The following SLC44A3 variants were observed in gnomAD, a reference collection of about 807,000 sequenced individuals.
SLC44A3 encodes the protein choline transporter-like protein 3.
In SLC44A3, 74 loss-of-function variants were observed where a neutral mutation model predicts 75.4. That is an observed-to-expected ratio of 0.98 (90% CI 0.81 to 1.19). The LOEUF is 1.19. Among genes scored for constraint, SLC44A3 ranks in the 50% most tolerant of loss-of-function variants. The pLI, the probability that SLC44A3 is intolerant of heterozygous loss-of-function variation, is 0.00. For synonymous variants in SLC44A3, 310 were observed against 296.9 expected (o/e 1.04, Z -0.45); for missense variants, 700 against 778.6 (o/e 0.90, Z 1.20).
At chr1:94,888,032 C>G (rs919852344) in intron 12 of SLC44A3, among the ~76,000 whole-genome samples, 1 of 152,122 alleles carries the variant, frequency 6.6e-6, no homozygotes, top group African/African-American at 2.4e-5. Context: ...CTGTGCTTTA[C>G]AGGGAGTAGG....
intron 5 of SLC44A3, among the ~76,000 whole-genome samples, chr1:94,835,586 G>C (rs6684796): frequency 0.52 from 79,519 of 151,968 alleles, 21,009 homozygotes; most frequent in East Asian, 0.69. Context: ...TTTTAAAAAT[G>C]CTCTGCTTAT....
At chr1:94,881,486 C>T (rs1668974486) in intron 12 of SLC44A3, among the ~76,000 whole-genome samples, 1 of 150,244 alleles carries the variant, frequency 6.7e-6, no homozygotes, top group Non-Finnish European at 1.5e-5. Flanking sequence ...GGGCGGATCA[C>T]AAGGTCAGGA....
intron 11 of SLC44A3, 55 bp downstream of exon 11, chr1:94,864,954 A>C: frequency 6.3e-7 from 1 of 1,576,242 alleles, no homozygotes; most frequent in South Asian, 1.2e-5. Flanking sequence ...CCAGAAACTT[A>C]ATTACTGGAA....
At chr1:94,826,272 T>G (rs1478771486) in intron 3 of SLC44A3, among the ~76,000 whole-genome samples, 1 of 152,180 alleles carries the variant, frequency 6.6e-6, no homozygotes, top group African/African-American at 2.4e-5. Flanking sequence ...GGTACAGATT[T>G]CAGTTTGGGA....
intron 7 of SLC44A3, among the ~76,000 whole-genome samples, chr1:94,841,335 T>C (rs1353852243): frequency 6.6e-6 from 1 of 152,222 alleles, no homozygotes; most frequent in African/African-American, 2.4e-5. Context: ...GTCATGTTTC[T>C]TTCCCCTGAG....
At chr1:94,875,691 G>T (rs1434780668) in intron 12 of SLC44A3, among the ~76,000 whole-genome samples, 1 of 152,024 alleles carries the variant, frequency 6.6e-6, no homozygotes, top group Non-Finnish European at 1.5e-5. Context: ...GGAAGTTTGG[G>T]GTCTCACCTT....
In SLC44A3 at chr1:94,840,087, T is replaced by A. The variant is rs770188176; in HGVS notation, c.760+50T>A. 49 of 1,490,380 alleles carry A rather than the reference T, an allele frequency of 3.3e-5. 1 individual carries two copies. The South Asian group carries it at 5.3e-4, about 16-fold the overall frequency. The allele number at this position is 1,490,380 out of a possible 1,614,324, so 92.3% of individuals were successfully genotyped here. On this transcript the variant is annotated intron_variant, in intron 7 of 14. Coordinates refer to ENST00000271227, the MANE Select transcript of SLC44A3 (RefSeq NM_001114106.3). ...TTTCTTTTCGATTAAATGAAAAGCC[T>A]TTACATTAAGTACAGAACTTAAAAG... is the stretch of plus-strand genomic sequence containing the variant.
intron 3 of SLC44A3, chr1:94,825,997 T>G (rs1315022065): frequency 2.2e-6 from 1 of 450,518 alleles, no homozygotes; most frequent in Non-Finnish European, 4.5e-6. Flanking sequence ...AACTCAAGTG[T>G]CCATCAATGG....
intron 5 of SLC44A3, among the ~76,000 whole-genome samples, chr1:94,836,034 C>T (rs963188608): frequency 2.0e-5 from 3 of 152,232 alleles, no homozygotes; most frequent in Non-Finnish European, 2.9e-5. Flanking sequence ...ATTGAGACTT[C>T]TGGAGAAAGA....
chr1:94,842,789 C>A (rs553300870), intron 8 of SLC44A3, among the ~76,000 whole-genome samples: 1 of 152,366 alleles, frequency 6.6e-6, no homozygotes, highest in African/African-American at 2.4e-5. Flanking sequence ...ACTGACTGTT[C>A]TGTGGAGCAG....
intron 9 of SLC44A3, among the ~76,000 whole-genome samples, chr1:94,853,794 G>A (rs1288270641): frequency 6.6e-6 from 1 of 151,984 alleles, no homozygotes; most frequent in African/African-American, 2.4e-5. Flanking sequence ...CAGAAGAAGG[G>A]GAAACAAATG....
At chr1:94,873,413 G>A (rs1667966359) in intron 12 of SLC44A3, among the ~76,000 whole-genome samples, 2 of 152,108 alleles carry the variant, frequency 1.3e-5, no homozygotes, top group Non-Finnish European at 2.9e-5. Flanking sequence ...GAATATACTG[G>A]TCAGAAAGGT....
chr1:94,820,871 C>A lies in SLC44A3; in HGVS notation c.28-78C>A. The A allele has an allele frequency of 3.6e-6, 5 of 1,381,870 alleles. No homozygotes were observed. The South Asian group carries it at 7.0e-5, about 19-fold the overall frequency. The allele number at this position is 1,381,870 out of a possible 1,614,324, so 85.6% of individuals were successfully genotyped here. ...AAGATTGGTTACTTTGGCCCCTCTT[C>A]GAGTAGATTTGGGTTCGGTTTCCAG... On this transcript the variant is annotated intron_variant, in intron 1 of 14. Coordinates refer to ENST00000271227, the MANE Select transcript of SLC44A3 (RefSeq NM_001114106.3).
At chr1:94,883,252 G>A (rs1669194086) in intron 12 of SLC44A3, among the ~76,000 whole-genome samples, 1 of 152,082 alleles carries the variant, frequency 6.6e-6, no homozygotes, top group Non-Finnish European at 1.5e-5. Context: ...TATAATGCCA[G>A]CACTTTGGGA....
chr1:94,866,647 G>A (rs1393134853), intron 11 of SLC44A3, among the ~76,000 whole-genome samples: 5 of 152,114 alleles, frequency 3.3e-5, no homozygotes, highest in Non-Finnish European at 7.4e-5. Context: ...GTCCATATAA[G>A]GCTGAGTTAT....
chr1:94,853,307 T>C (rs1459313484), intron 9 of SLC44A3, among the ~76,000 whole-genome samples: 1 of 152,028 alleles, frequency 6.6e-6, no homozygotes, highest in South Asian at 2.1e-4. Flanking sequence ...ATAATCATGA[T>C]TGGAGTAGGT....
Position 94,891,224 on chromosome 1 carries a change from C to T in SLC44A3, c.1577C>T (p.Thr526Ile). ...KILSKNSSHF[T>I]SINCFGDFII... ...TTGTCCAAGAACTCAAGTCACTTTACATCTATTAACTGCTTTGGAGACTTC... is the reference window on the plus strand; with the variant it reads ...TTGTCCAAGAACTCAAGTCACTTTATATCTATTAACTGCTTTGGAGACTTC... The change falls in exon 13 of 15, where the codon ACA becomes ATA. Residue 526 changes from threonine (T) to isoleucine (I), a missense_variant. Thr to Ile is a moderately conservative substitution (Grantham distance 89). Transcript: ENST00000271227. The T allele has an allele frequency of 6.2e-7, 1 of 1,613,494 alleles. No individual in the cohort carries two copies. Among genetic ancestry groups the T allele is most frequent in the Non-Finnish European group, 8.5e-7 (1 of 1,179,722 alleles).
chr1:94,843,248 A>G (rs1663902798), intron 8 of SLC44A3: 1 of 152,508 alleles, frequency 6.6e-6, no homozygotes, highest in South Asian at 2.1e-4. Flanking sequence ...AGGCCATGTG[A>G]GCAGGGAGGC....
At chr1:94,859,191 C>G (rs1275785747) in intron 10 of SLC44A3, among the ~76,000 whole-genome samples, 3 of 152,194 alleles carry the variant, frequency 2.0e-5, no homozygotes, top group African/African-American at 7.2e-5. Flanking sequence ...ATTTGCCTGA[C>G]AGTAATTTTG....
Sources: allele counts gnomAD v4.1 joint callset (sites outside exome capture counted in the v4.1 genomes callset), GRCh38; gene constraint gnomAD v4.1.1; transcripts MANE v1.5; gene names NCBI Gene and HGNC (gene_info 2026-07-23, HGNC 2026-07-21).